Variants in DIP2C observed in about 807,000 individuals in gnomAD.
The protein encoded by DIP2C is disco-interacting protein 2 homolog C.
Under a neutral mutation model 192.4 loss-of-function variants are expected in DIP2C, and 33 were observed. That is an observed-to-expected ratio of 0.17 (90% CI 0.13 to 0.23). DIP2C has a LOEUF of 0.23. Among genes scored for constraint, DIP2C ranks in the 10% least tolerant of loss-of-function variants. The probability of loss-of-function intolerance (pLI) is 1.00; values close to 1 mark genes in which losing one functional copy is unlikely to be tolerated. For synonymous variants in DIP2C, 979 were observed against 864.1 expected (o/e 1.13, Z -2.33); for missense variants, 1,537 against 2,110.1 (o/e 0.73, Z 5.32).
intron 1 of DIP2C, among the ~76,000 whole-genome samples, chr10:532,503 A>C (rs371224055): frequency 3.3e-5 from 5 of 152,148 alleles, no homozygotes; most frequent in African/African-American, 1.2e-4. Flanking sequence ...CTGTCCATTT[A>C]GAATTGGTAT....
At chr10:606,169 G>A (rs2131729989) in intron 1 of DIP2C, among the ~76,000 whole-genome samples, 1 of 152,322 alleles carries the variant, frequency 6.6e-6, no homozygotes, top group Non-Finnish European at 1.5e-5. Context: ...TCCTCAGAAC[G>A]AGTCCTGCAT....
intron 1 of DIP2C, among the ~76,000 whole-genome samples, chr10:655,352 A>G (rs192298535): frequency 2.0e-5 from 3 of 152,344 alleles, no homozygotes; most frequent in Admixed American, 2.0e-4. Flanking sequence ...GCTGAGCTAA[A>G]GAGCAAAAAT....
chr10:286,375 C>G, intron 33 of DIP2C, 28 bp from the exon 34 acceptor site: 1 of 1,600,826 alleles, frequency 6.2e-7, no homozygotes, highest in Non-Finnish European at 8.6e-7. Context: ...AGTCTCTTGT[C>G]AATGGGAGGA....
At position 666,681 on chromosome 10, in the gene DIP2C, G is replaced by T. The variant is rs1165664947; in HGVS notation, c.85+22813C>A. On this transcript the variant is annotated intron_variant, in intron 1 of 36. Transcript: ENST00000280886. This position sits in a 1 kb window ranked among gnomAD's most constrained non-coding sequence, Gnocchi z 4.1. Reference sequence around the variant, plus strand: ...CAGCTATTAAAAGTTCAATAAACGTGGTGGCAGCAGCTGAACTGGCTACCA... The same window carrying T: ...CAGCTATTAAAAGTTCAATAAACGTTGTGGCAGCAGCTGAACTGGCTACCA... 6.6e-6 allele frequency: 1 copy of T among 152,266 alleles called. No individual in the cohort carries two copies. The allele number at this position is 152,266 out of a possible 1,614,324, so 9.4% of individuals were successfully genotyped here. A position where few individuals can be genotyped will look rare whatever the true frequency, so the allele number is the denominator to read the frequency against.
chr10:284,720 C>T (rs189791432), intron 34 of DIP2C, among the ~76,000 whole-genome samples: 2 of 152,260 alleles, frequency 1.3e-5, no homozygotes, highest in Admixed American at 1.3e-4. Context: ...AATTTGATAA[C>T]AGAATAGATC....
In DIP2C at chr10:369,701, C is replaced by G; in HGVS notation, c.1992-68G>C. ...GCCATCACAATCACAGATGTGCAGT[C>G]AGCACACATGCGGCAGGCTGGGCAC... On this transcript the variant is annotated intron_variant, in intron 17 of 36. Coordinates refer to ENST00000280886, the MANE Select transcript of DIP2C (RefSeq NM_014974.3). 2 of 1,612,030 alleles carry G rather than the reference C, an allele frequency of 1.2e-6. 1 individual carries two copies. The highest frequency in any genetic ancestry group is 3.3e-5 in the Admixed American group (2 of 60,010).
chr10:586,513 C>T lies in DIP2C; in HGVS notation c.86-99983G>A, dbSNP rs1851038024. Among the ~76,000 whole-genome samples the T allele has an allele frequency of 2.0e-5, 3 of 152,156 alleles. No individual in the cohort carries two copies. The South Asian group carries it at 6.2e-4, about 32-fold the overall frequency. ...CCTAAGTCCCGCTTCATGGTAAACCCTCCAGGCAAACTTTCTCGGCCTCCT... is the reference window on the plus strand; with the variant it reads ...CCTAAGTCCCGCTTCATGGTAAACCTTCCAGGCAAACTTTCTCGGCCTCCT... On this transcript the variant is annotated intron_variant, in intron 1 of 36. Coordinates refer to ENST00000280886, the MANE Select transcript of DIP2C (RefSeq NM_014974.3).
In DIP2C at chr10:452,448, G is replaced by A. The variant is rs560280392; in HGVS notation, c.269-11452C>T. ...AAGAGCAGCTTCTGAAGCACGCAGT[G>A]TAATTATGAGTGACTAAAGTGAGTC... is the stretch of plus-strand genomic sequence containing the variant. On this transcript the variant is annotated intron_variant, in intron 3 of 36. Transcript: ENST00000280886. Among the ~76,000 whole-genome samples the A allele has an allele frequency of 7.6e-4, 115 of 152,258 alleles. 1 individual carries two copies. In the South Asian group the frequency reaches 0.023, roughly 31 times the overall value.
chr10:321,540 A>G (rs576203430), intron 31 of DIP2C, among the ~76,000 whole-genome samples: 1,325 of 111,058 alleles, frequency 0.012, 30 homozygotes, highest in African/African-American at 0.033. Flanking sequence ...CGGGGGCTCC[A>G]GCGAGAGACC....
intron 31 of DIP2C, among the ~76,000 whole-genome samples, chr10:317,445 G>C (rs1345889605): frequency 6.6e-6 from 1 of 152,254 alleles, no homozygotes; most frequent in African/African-American, 2.4e-5. Flanking sequence ...ACACTTTAGA[G>C]AGAGGGCGTG....
rs1264288229 is a variant in DIP2C at position 482,214 on chromosome 10, G to A, written c.157+4245C>T. 3.3e-5 allele frequency among the ~76,000 whole-genome samples: 5 copies of A among 152,300 alleles called. No individual in the cohort carries two copies. In the East Asian group the frequency reaches 5.8e-4, roughly 18 times the overall value. ...CGGGAGGGACAGCGGCGTGGCCATC[G>A]GGAGCCCTGGTAGCAGGGAGGAACT... is the stretch of plus-strand genomic sequence containing the variant. On this transcript the variant is annotated intron_variant, in intron 2 of 36. Transcript: ENST00000280886.
At chr10:584,634 TCA>T (rs1288576377) in intron 1 of DIP2C, among the ~76,000 whole-genome samples, 3 of 78,660 alleles carry the variant, frequency 3.8e-5, no homozygotes, top group African/African-American at 1.7e-4. Flanking sequence ...TGACCCCCAC[TCA>T]CGCGCATCAC....
chr10:476,229 G>A (rs148200939), intron 2 of DIP2C, among the ~76,000 whole-genome samples: 23 of 152,258 alleles, frequency 1.5e-4, no homozygotes, highest in African/African-American at 4.8e-4. Context: ...CGGCCGAGAT[G>A]GAGATGAGGT....
chr10:426,831 A>G (rs1012503593), intron 4 of DIP2C, among the ~76,000 whole-genome samples: 11 of 152,296 alleles, frequency 7.2e-5, no homozygotes, highest in African/African-American at 2.6e-4. Context: ...GGGGGAAAAA[A>G]TCCCCCAAAC....
intron 14 of DIP2C, among the ~76,000 whole-genome samples, chr10:386,769 A>G (rs1336958150): frequency 6.6e-6 from 1 of 152,190 alleles, no homozygotes; most frequent in African/African-American, 2.4e-5. Context: ...AGAATTTTCT[A>G]CCTCCAAAAG....
intron 13 of DIP2C, 111 bp from the exon 14 acceptor site, chr10:387,920 T>TG: frequency 8.0e-7 from 1 of 1,243,654 alleles, no homozygotes; most frequent in Non-Finnish European, 1.2e-6. Context: ...CTTGGGAAAA[T>TG]ATCATTTTGC....
intron 24 of DIP2C, among the ~76,000 whole-genome samples, chr10:354,139 G>A (rs1011500330): frequency 6.6e-6 from 1 of 152,192 alleles, no homozygotes; most frequent in African/African-American, 2.4e-5. Flanking sequence ...CTTGGAAACA[G>A]CTCACACCTC....
At chr10:665,956 A>G (rs1857062752) in intron 1 of DIP2C, 1 of 152,072 alleles carries the variant, frequency 6.6e-6, no homozygotes, top group Non-Finnish European at 1.5e-5. Flanking sequence ...CCCCCAACAG[A>G]CGCCGAAGTC....
intron 1 of DIP2C, among the ~76,000 whole-genome samples, chr10:598,200 C>A (rs1226808239): frequency 6.6e-6 from 1 of 152,154 alleles, no homozygotes; most frequent in Non-Finnish European, 1.5e-5. Flanking sequence ...AAGGCCGGCA[C>A]CGGCCACCAC....
Sources: allele counts gnomAD v4.1 joint callset (sites outside exome capture counted in the v4.1 genomes callset), GRCh38; gene constraint gnomAD v4.1.1; non-coding constraint Gnocchi (gnomAD v3.1); transcripts MANE v1.5; gene names NCBI Gene and HGNC (gene_info 2026-07-23, HGNC 2026-07-21).